The following GLI3 variants were observed in gnomAD, a reference collection of about 807,000 sequenced individuals.
GLI3 encodes the protein transcription activator GLI3.
In GLI3, 20 loss-of-function variants were observed where a neutral mutation model predicts 100.8. The ratio of observed to expected loss-of-function variants is 0.20; its 90% CI spans 0.14 to 0.29. The LOEUF is 0.29. Among genes scored for constraint, GLI3 ranks in the 10% least tolerant of loss-of-function variants. The pLI, the probability that GLI3 is intolerant of heterozygous loss-of-function variation, is 1.00. For synonymous variants in GLI3, 938 were observed against 860.5 expected, an observed-to-expected ratio of 1.09 and a Z score of -1.58; for missense variants, 2,040 against 2,128.5, an observed-to-expected ratio of 0.96 and a Z score of 0.82.
chr7:42,215,674 G>T (rs1788362717), intron 2 of GLI3, among the ~76,000 whole-genome samples: 1 of 152,162 alleles, frequency 6.6e-6, no homozygotes, highest in African/African-American at 2.4e-5. Flanking sequence ...TGAAAAATGG[G>T]AGTGATATTT....
intron 10 of GLI3, among the ~76,000 whole-genome samples, chr7:42,016,124 A>G (rs755941909): frequency 4.6e-5 from 7 of 152,170 alleles, no homozygotes; most frequent in Non-Finnish European, 8.8e-5. Context: ...ACAACCCCCA[A>G]CGCCAGAGAA....
At chr7:42,150,975 T>C (rs1259613972) in intron 2 of GLI3, among the ~76,000 whole-genome samples, 1 of 152,198 alleles carries the variant, frequency 6.6e-6, no homozygotes, top group Non-Finnish European at 1.5e-5. Context: ...ATGATTTTCT[T>C]AATGAGAGTT....
chr7:42,237,247 C>T (rs1313244090), upstream of GLI3, among the ~76,000 whole-genome samples: 4 of 151,604 alleles, frequency 2.6e-5, no homozygotes, highest in Non-Finnish European at 5.9e-5. Context: ...CCCGCTCCCT[C>T]CCGCTCGTGC....
At position 41,961,455 on chromosome 7, in the gene GLI3, A is replaced by C. The variant is rs1336175247; in HGVS notation, c.*2875T>G. The C allele has an allele frequency of 6.6e-6, 1 of 152,642 alleles. No homozygotes were observed. Among genetic ancestry groups the C allele is most frequent in the African/African-American group, 2.4e-5 (1 of 41,446 alleles). 9.5% of individuals were successfully genotyped at this position (152,642 alleles called of 1,614,324 possible). A position where few individuals can be genotyped will look rare whatever the true frequency, so the allele number is the denominator to read the frequency against. On this transcript the variant is annotated 3_prime_UTR_variant, in exon 15 of 15. Coordinates refer to ENST00000395925, the MANE Select transcript of GLI3 (RefSeq NM_000168.6). ...CCTCTCATTGACAAGATTAACATAA[A>C]ATAAGGCACATACATCGCAAGAATC...
At chr7:42,082,230 C>T (rs1785011274) in intron 3 of GLI3, among the ~76,000 whole-genome samples, 1 of 151,986 alleles carries the variant, frequency 6.6e-6, no homozygotes, top group Non-Finnish European at 1.5e-5. Context: ...GCAGCCCAGG[C>T]CTCATCACTG....
At chr7:42,113,494 C>T in intron 3 of GLI3, 1 of 917,190 alleles carries the variant, frequency 1.1e-6, no homozygotes, top group Non-Finnish European at 1.8e-6. Context: ...CTAAAAAGGC[C>T]CCTGAGAAGG....
rs369237977 is a variant in GLI3, at chr7:42,148,370, G to T, written c.223C>A (p.Pro75Thr). Residue 75 changes from proline (P) to threonine (T), a missense_variant, in exon 3 of 15, where the codon CCT becomes ACT. This residue lies in a region of GLI3 where 603 missense variants were observed against 690.9 expected (regional missense o/e 0.87). Transcript: ENST00000395925. Reference sequence around the variant, plus strand: ...GCCCTCTCGTCACTCGATGTTGAAGGTTCCTCACTGACTTTGCTGAGCCCC... The same window carrying T: ...GCCCTCTCGTCACTCGATGTTGAAGTTTCCTCACTGACTTTGCTGAGCCCC... ...VQGLSKVSEEPSTSSDERASL... is the reference protein window; with the variant it reads ...VQGLSKVSEETSTSSDERASL... The T allele has an allele frequency of 5.0e-6, 8 of 1,614,166 alleles. No individual in the cohort carries two copies. The highest frequency in any genetic ancestry group is 1.7e-5 in the Admixed American group (1 of 60,028).
At chr7:42,078,513 T>C (rs1349430156) in intron 3 of GLI3, among the ~76,000 whole-genome samples, 2 of 152,128 alleles carry the variant, frequency 1.3e-5, no homozygotes, top group Non-Finnish European at 2.9e-5. Flanking sequence ...ATCTAGAATC[T>C]AGAAAACTTC....
intron 1 of GLI3, among the ~76,000 whole-genome samples, chr7:42,236,412 G>A (rs1357086808): frequency 1.3e-5 from 2 of 152,200 alleles, no homozygotes; most frequent in Non-Finnish European, 2.9e-5. Context: ...TGACGACGAA[G>A]GCGCGCCTCT....
chr7:41,980,871 T>C (rs1787646584), intron 10 of GLI3, among the ~76,000 whole-genome samples: 1 of 152,162 alleles, frequency 6.6e-6, no homozygotes, highest in African/African-American at 2.4e-5. Flanking sequence ...CCCCAAGGAA[T>C]TAAGTCTACC....
intron 2 of GLI3, among the ~76,000 whole-genome samples, chr7:42,167,088 A>G (rs1787260836): frequency 6.6e-6 from 1 of 152,028 alleles, no homozygotes; most frequent in Non-Finnish European, 1.5e-5. Flanking sequence ...CGGCCTCCTA[A>G]AGTGCTGGGA....
rs1186095063 is a variant in GLI3, at chr7:41,965,788, G to A, written c.3285C>T (p.Asp1095=). The A allele has an allele frequency of 1.9e-6, 3 of 1,613,478 alleles. No individual in the cohort carries two copies. Among genetic ancestry groups the A allele is most frequent in the South Asian group, 1.1e-5 (1 of 91,068 alleles). The change falls in exon 15 of 15, where the codon GAC becomes GAT. Residue 1095 remains aspartate, a synonymous_variant. Coordinates refer to ENST00000395925, the MANE Select transcript of GLI3 (RefSeq NM_000168.6). Reference sequence around the variant, plus strand: ...TCTGGGAATTTAAATACTGCACCACGTCGTCCGGCAGGAAATCCTCATCGT... The same window carrying A: ...TCTGGGAATTTAAATACTGCACCACATCGTCCGGCAGGAAATCCTCATCGT... The part of the protein sequence containing the change: ...NLNDEDFLPD[D]VVQYLNSQNQ...
intron 10 of GLI3, among the ~76,000 whole-genome samples, chr7:41,994,324 T>A (rs1310365095): frequency 1.3e-5 from 2 of 152,198 alleles, no homozygotes; most frequent in Non-Finnish European, 2.9e-5. Flanking sequence ...AAGGGCATAT[T>A]TCCTCCTTAA....
chr7:42,108,800 G>C (rs1022179448), intron 3 of GLI3, among the ~76,000 whole-genome samples: 1 of 152,184 alleles, frequency 6.6e-6, no homozygotes, highest in Non-Finnish European at 1.5e-5. Flanking sequence ...ATAAAACCAT[G>C]GGATTTCAGA....
In GLI3 at chr7:42,194,171, A is replaced by C. The variant is rs117429011; in HGVS notation, c.124+28959T>G. Among the ~76,000 whole-genome samples, 335 of 152,296 alleles carry C rather than the reference A, an allele frequency of 2.2e-3. 6 individuals carry two copies. In the East Asian group the frequency reaches 0.032, roughly 15 times the overall value. ...CTTGCAGAAAAACCTTTCAGCTCACACCAACTCTATTTGTCCCAGTATTGA... is the reference window on the plus strand; with the variant it reads ...CTTGCAGAAAAACCTTTCAGCTCACCCCAACTCTATTTGTCCCAGTATTGA... On this transcript the variant is annotated intron_variant, in intron 2 of 14. Transcript: ENST00000395925.
intron 4 of GLI3, among the ~76,000 whole-genome samples, chr7:42,073,390 ATTGCAGTTGTTCTAACACCTAATAAG>A (rs1784820213): frequency 6.6e-6 from 1 of 152,208 alleles, no homozygotes; most frequent in African/African-American, 2.4e-5. Context: ...TTAGTCTGTA[ATTGCAGTTGTTCTAACACCTAATAAG>A]CCATGGTTGG....
At chr7:42,216,427 C>T (rs192074651) in intron 2 of GLI3, among the ~76,000 whole-genome samples, 2 of 152,290 alleles carry the variant, frequency 1.3e-5, no homozygotes, top group African/African-American at 4.8e-5. Flanking sequence ...GGATATGTGA[C>T]ATACATTTGT....
chr7:42,089,708 A>T (rs1449552254), intron 3 of GLI3, among the ~76,000 whole-genome samples: 1 of 152,224 alleles, frequency 6.6e-6, no homozygotes, highest in African/African-American at 2.4e-5. Context: ...ATTTCTATAA[A>T]AACAAATTAC....
At chr7:42,222,798 T>TCTC in intron 2 of GLI3, 1 of 340,994 alleles carries the variant, frequency 2.9e-6, no homozygotes. Context: ...GTAGTGTAGA[T>TCTC]GATCCATATG....
Sources: allele counts gnomAD v4.1 joint callset (sites outside exome capture counted in the v4.1 genomes callset), GRCh38; gene constraint gnomAD v4.1.1; regional missense constraint gnomAD v4.1.1; transcripts MANE v1.5; gene names NCBI Gene and HGNC (gene_info 2026-07-23, HGNC 2026-07-21).